The following CNTRL variants were observed in gnomAD, a reference collection of about 807,000 sequenced individuals.
The protein encoded by CNTRL is centriolin.
CNTRL carries 233 observed loss-of-function variants against 303.7 expected under a neutral mutation model. The observed-to-expected ratio is 0.77, with a 90% CI of 0.69 to 0.86. CNTRL has a LOEUF of 0.86. Among genes scored for constraint, CNTRL ranks in the 40% least tolerant of loss-of-function variants. CNTRL has a pLI of 0.00. For synonymous variants in CNTRL, 900 were observed against 922.2 expected, an observed-to-expected ratio of 0.98 and a Z score of 0.44; for missense variants, 2,524 against 2,650.6, an observed-to-expected ratio of 0.95 and a Z score of 1.05.
chr9:121,118,646 T>C, intron 12 of CNTRL, 106 bp downstream of exon 12: 1 of 947,412 alleles, frequency 1.1e-6, no homozygotes, highest in South Asian at 2.3e-5. Context: ...TTTAGTTTGA[T>C]GTACAAATTT....
At chr9:121,083,206 A>G (rs2048213486) in intron 2 of CNTRL, among the ~76,000 whole-genome samples, 1 of 152,084 alleles carries the variant, frequency 6.6e-6, no homozygotes, top group African/African-American at 2.4e-5. Flanking sequence ...TCTCTCTTCA[A>G]TAGTAAATTA....
chr9:121,081,724 A>G (rs1028403635), intron 2 of CNTRL, among the ~76,000 whole-genome samples: 1 of 152,252 alleles, frequency 6.6e-6, no homozygotes, highest in South Asian at 2.1e-4. Context: ...TCTCGCCAGC[A>G]TGCCATCTTC....
chr9:121,093,230 T>C (rs1026437827), intron 4 of CNTRL, among the ~76,000 whole-genome samples: 2 of 152,160 alleles, frequency 1.3e-5, no homozygotes, highest in African/African-American at 2.4e-5. Context: ...TGATAAATAT[T>C]TGTGGAATGG....
chr9:121,111,293 C>A (rs2049735755), intron 8 of CNTRL: 1 of 152,146 alleles, frequency 6.6e-6, no homozygotes, highest in African/African-American at 2.4e-5. Context: ...TTTAACTTCT[C>A]TGTGCAGCTT....
rs776253254 is a variant in CNTRL, at chr9:121,162,271, G to A, written c.5423G>A (p.Arg1808Lys). Residue 1808 changes from arginine to lysine, a missense_variant and splice_region_variant, in exon 34 of 44, where the codon AGG becomes AAG. Physicochemically the swap from Arg to Lys is conservative, Grantham distance 26. Transcript: ENST00000373855. ...GAAAAAAAGTTGGCACAAACCAAAA[G>A]GTGAGAGCAAGAACAAATAAGCTTG... The part of the protein sequence containing the change: ...IWEKKLAQTK[R>K]VLAAAEENSK... The A allele has an allele frequency of 1.2e-6, 2 of 1,611,756 alleles. No homozygotes were observed. Among genetic ancestry groups the A allele is most frequent in the Non-Finnish European group, 1.7e-6 (2 of 1,178,056 alleles).
chr9:121,094,427 T>TTAA (rs1326222869), intron 4 of CNTRL, among the ~76,000 whole-genome samples: 1 of 152,140 alleles, frequency 6.6e-6, no homozygotes, highest in East Asian at 1.9e-4. Flanking sequence ...GATAATGGCA[T>TTAA]TAATTCATTC....
chr9:121,087,127 G>T (rs1169008861), intron 2 of CNTRL, among the ~76,000 whole-genome samples: 2 of 152,146 alleles, frequency 1.3e-5, no homozygotes, highest in African/African-American at 2.4e-5. Flanking sequence ...AATTTGAGAG[G>T]TTATTTGGGA....
At chr9:121,089,500 A>G (rs72760212) in intron 3 of CNTRL, among the ~76,000 whole-genome samples, 12,583 of 152,278 alleles carry the variant, frequency 0.083, 559 homozygotes, top group Non-Finnish European at 0.11. Flanking sequence ...CAGGAAAGTT[A>G]TAAGACCAGA....
chr9:121,090,376 C>G lies in CNTRL; in HGVS notation c.319C>G (p.Leu107Val), dbSNP rs2048512976. The G allele has an allele frequency of 6.2e-7, 1 of 1,611,796 alleles. No individual in the cohort carries two copies. Reference sequence around the variant, plus strand: ...TTTGATAAAATCTCTGAACCTTTCACTTTCTAAAGACGGTGGCAAGAAATT... The same window carrying G: ...TTTGATAAAATCTCTGAACCTTTCAGTTTCTAAAGACGGTGGCAAGAAATT... Reference protein sequence around the residue: ...LALIKSLNLSLSKDGGKKFKY... With the variant: ...LALIKSLNLSVSKDGGKKFKY... Residue 107 changes from leucine (L) to valine (V), a missense_variant, in exon 4 of 44, where the codon CTT (leucine) becomes GTT (valine). Transcript: ENST00000373855.
Position 121,169,915 on chromosome 9 carries a change from A to G in CNTRL, c.6276+99A>G. Reference sequence around the variant, plus strand: ...CACAGAGAAAATAAATTACCCATCAACCCAGTCCTGAACCCAGCTGTTGTT... The same window carrying G: ...CACAGAGAAAATAAATTACCCATCAGCCCAGTCCTGAACCCAGCTGTTGTT... On this transcript the variant is annotated intron_variant, in intron 39 of 43. Transcript: ENST00000373855. 9 of 967,734 alleles carry G rather than the reference A, an allele frequency of 9.3e-6. No individual in the cohort carries two copies. The South Asian group carries it at 1.4e-4, about 15-fold the overall frequency. 59.9% of individuals were successfully genotyped at this position (967,734 alleles called of 1,614,324 possible).
chr9:121,090,735 A>G (rs889076142), intron 4 of CNTRL, among the ~76,000 whole-genome samples: 4 of 152,346 alleles, frequency 2.6e-5, no homozygotes, highest in Non-Finnish European at 4.4e-5. Flanking sequence ...TTTTTGCACT[A>G]CAGTAGCAGA....
intron 14 of CNTRL, among the ~76,000 whole-genome samples, chr9:121,132,939 C>G (rs911144968): frequency 1.3e-5 from 2 of 152,134 alleles, no homozygotes; most frequent in African/African-American, 4.8e-5. Context: ...CACTCCAGAC[C>G]CTGTTTGCCT....
chr9:121,175,250 A>G (rs900395401), intron 43 of CNTRL, 26 bp downstream of exon 43: 1 of 1,604,668 alleles, frequency 6.2e-7, no homozygotes, highest in Admixed American at 1.7e-5. Flanking sequence ...TTTTAAAAAC[A>G]AAACAATAGC....
At chr9:121,153,463 T>C (rs888032778) in intron 26 of CNTRL, among the ~76,000 whole-genome samples, 12 of 152,172 alleles carry the variant, frequency 7.9e-5, no homozygotes, top group Non-Finnish European at 1.6e-4. Context: ...CCAACTTGTC[T>C]TCAAAATAAA....
Position 121,145,354 on chromosome 9 carries a change from G to T in CNTRL, c.3279G>T (p.Arg1093Ser). ...AACGACAAAGGACAGAGATTGCAAG[G>T]CTGCAGAATGTACTAGACCTCACTG... The part of the protein sequence containing the change: ...TMERQRTEIA[R>S]LQNVLDLTGS... The change falls in exon 22 of 44, where the codon AGG (arginine) becomes AGT (serine). Residue 1093 changes from arginine to serine, a missense_variant. By Grantham distance (110) the Arg-to-Ser change is moderately radical. Coordinates refer to ENST00000373855, the MANE Select transcript of CNTRL (RefSeq NM_007018.6). 1.2e-6 allele frequency: 2 copies of T among 1,613,848 alleles called. No individual in the cohort carries two copies. The highest frequency in any genetic ancestry group is 8.5e-7 in the Non-Finnish European group (1 of 1,179,910).
At chr9:121,090,229 T>C (rs1157208621) in intron 3 of CNTRL, 46 bp from the exon 4 acceptor site, 2 of 1,501,254 alleles carry the variant, frequency 1.3e-6, no homozygotes, top group Non-Finnish European at 1.8e-6. Context: ...CTTTGTGATA[T>C]TCATGTCTTT....
Position 121,129,958 on chromosome 9 carries a change from C to G in CNTRL, c.2025+4022C>G, listed in dbSNP as rs148302769. Among the ~76,000 whole-genome samples, 1,113 of 152,288 alleles carry G rather than the reference C, an allele frequency of 7.3e-3. 11 individuals are homozygous for G. The highest frequency in any genetic ancestry group is 0.025 in the African/African-American group (1,052 of 41,548). ...TGTTTATTGATTTGTGTATGTTGAA[C>G]CAGCCTTGCATCCCAGGGATGAAGC... On this transcript the variant is annotated intron_variant, in intron 14 of 43. Coordinates refer to ENST00000373855, the MANE Select transcript of CNTRL (RefSeq NM_007018.6).
intron 6 of CNTRL, 102 bp from the exon 7 acceptor site, chr9:121,098,282 AAT>A (rs2048977715): frequency 2.3e-6 from 2 of 856,340 alleles, no homozygotes; most frequent in Non-Finnish European, 3.6e-6. Flanking sequence ...TGGCTTCATG[AAT>A]AGATTCCTTG....
intron 20 of CNTRL, among the ~76,000 whole-genome samples, chr9:121,144,402 A>G (rs2051709720): frequency 6.6e-6 from 1 of 152,216 alleles, no homozygotes; most frequent in African/African-American, 2.4e-5. Flanking sequence ...AAGGATTGTT[A>G]TATAATCCCT....
Sources: allele counts gnomAD v4.1 joint callset (sites outside exome capture counted in the v4.1 genomes callset), GRCh38; gene constraint gnomAD v4.1.1; transcripts MANE v1.5; gene names NCBI Gene and HGNC (gene_info 2026-07-23, HGNC 2026-07-21).